The following EXOSC3 variants were observed in gnomAD, a reference collection of about 807,000 sequenced individuals.
EXOSC3 encodes the protein exosome component 3, also known as exosome complex component RRP40.
A neutral mutation model predicts 25.1 loss-of-function variants in EXOSC3; 18 were observed. That is an observed-to-expected ratio of 0.72 (90% CI 0.50 to 1.06). EXOSC3 has a LOEUF of 1.06. EXOSC3 is among the 50% of genes least tolerant of loss of function. EXOSC3 has a pLI of 0.00. For missense variants in EXOSC3, 382 were observed against 350.9 expected (o/e 1.09, Z -0.71); for synonymous variants, 165 against 132.2 (o/e 1.25, Z -1.70).
intron 2 of EXOSC3, 102 bp from the exon 3 acceptor site, chr9:37,782,239 T>C: frequency 1.6e-6 from 2 of 1,280,096 alleles, no homozygotes; most frequent in South Asian, 2.7e-5. Context: ...TACAGTTCTG[T>C]GGCTAAGGGA....
At chr9:37,782,185 G>A (rs1434715833) in intron 2 of EXOSC3, 48 bp from the exon 3 acceptor site, 20 of 1,600,748 alleles carry the variant, frequency 1.2e-5, no homozygotes, top group Non-Finnish European at 1.6e-5. Flanking sequence ...CAAACTACAG[G>A]TGCTACTATT....
chr9:37,780,963 C>G (rs2118976195), intron 3 of EXOSC3, 83 bp from the exon 4 acceptor site: 1 of 1,188,214 alleles, frequency 8.4e-7, no homozygotes, highest in East Asian at 2.5e-5. Flanking sequence ...GATTCCTTTT[C>G]TGAGCAGTTC....
intron 2 of EXOSC3, 109 bp from the exon 3 acceptor site, chr9:37,782,246 G>C: frequency 8.8e-7 from 1 of 1,139,266 alleles, no homozygotes; most frequent in South Asian, 1.5e-5. Context: ...CTGTGGCTAA[G>C]GGACTGACTG....
chr9:37,780,886 G>A lies in EXOSC3; in HGVS notation c.627-6C>T. 1 of 1,610,430 alleles carries A rather than the reference G, an allele frequency of 6.2e-7. No individual in the cohort carries two copies. Among genetic ancestry groups the A allele is most frequent in the Non-Finnish European group, 8.5e-7 (1 of 1,178,566 alleles). ...CACAATCTGGAGCTAATAGCCTGGTGGGAAGAGAAAAGAAAATGAAATTTA... is the reference window on the plus strand; with the variant it reads ...CACAATCTGGAGCTAATAGCCTGGTAGGAAGAGAAAAGAAAATGAAATTTA... On this transcript the variant is annotated splice_region_variant and splice_polypyrimidine_tract_variant and intron_variant, in intron 3 of 3. Transcript: ENST00000327304.
chr9:37,784,595 C>A, intron 1 of EXOSC3, 126 bp downstream of exon 1: 1 of 1,076,276 alleles, frequency 9.3e-7, no homozygotes, highest in Non-Finnish European at 1.3e-6. Context: ...GGGCACAAGA[C>A]TACGGTGGCT....
chr9:37,783,002 T>A (rs1828628193), intron 2 of EXOSC3, among the ~76,000 whole-genome samples: 1 of 152,052 alleles, frequency 6.6e-6, no homozygotes, highest in South Asian at 2.1e-4. Flanking sequence ...TTCCATAGGG[T>A]GCGAAGGGAT....
In EXOSC3 at chr9:37,783,196, C is replaced by T. The variant is rs556303288; in HGVS notation, c.474+718G>A. 5.3e-5 allele frequency among the ~76,000 whole-genome samples: 8 copies of T among 152,190 alleles called. No homozygotes were observed. The South Asian group carries it at 1.7e-3, about 32-fold the overall frequency. On this transcript the variant is annotated intron_variant, in intron 2 of 3. Transcript: ENST00000327304. ...GAATCTTGTCTTTTCGAGAAAGTGA[C>T]CGTGTGAGGATGTCAGCTCTCAAAA...
At chr9:37,781,821 A>G in intron 3 of EXOSC3, 165 bp downstream of exon 3, 1 of 724,658 alleles carries the variant, frequency 1.4e-6, no homozygotes, top group Non-Finnish European at 2.2e-6. Flanking sequence ...TTCCAAGAAG[A>G]TAGGATTAAA....
chr9:37,785,035 G>C lies in EXOSC3; in HGVS notation c.10C>G (p.Pro4Ala), dbSNP rs751582737. 1.3e-6 allele frequency: 2 copies of C among 1,597,480 alleles called. No homozygotes were observed. The highest frequency in any genetic ancestry group is 2.7e-5 in the African/African-American group (2 of 74,670). Residue 4 changes from proline to alanine, a missense_variant, in exon 1 of 4, where the codon CCT (proline) becomes GCT (alanine). Coordinates refer to ENST00000327304, the MANE Select transcript of EXOSC3 (RefSeq NM_016042.4). The stretch of plus-strand genomic sequence containing the variant: ...AGAGATTCAGCCGCGACAGACGCAG[G>C]TTCGGCCATCGCGGGCTCCACCAAA... MAEPASVAAESLAG... is the reference protein window; with the variant it reads MAEAASVAAESLAG...
chr9:37,780,531 G>A lies in EXOSC3; in HGVS notation c.*148C>T. The A allele has an allele frequency of 1.5e-6, 1 of 650,674 alleles. No individual in the cohort carries two copies. 40.3% of individuals were successfully genotyped at this position (650,674 alleles called of 1,614,324 possible). On this transcript the variant is annotated 3_prime_UTR_variant, in exon 4 of 4. Transcript: ENST00000327304. ...GATTTTCTCTCCCACAAAAGCGTGGGTGAAAACCAGTAACTTATAAAAATA... is the reference window on the plus strand; with the variant it reads ...GATTTTCTCTCCCACAAAAGCGTGGATGAAAACCAGTAACTTATAAAAATA...
rs1173851215 is a variant in EXOSC3 at position 37,782,066 on chromosome 9, G to A, written c.546C>T (p.Asp182=). ...KDMEPEMVCI[D]SCGRANGMGV... is the part of the protein sequence containing the mutation. ...CCATTCCATTGGCTCGTCCACAGCTGTCAATACAGACCATCTCTGGTTCCA... is the reference window on the plus strand; with the variant it reads ...CCATTCCATTGGCTCGTCCACAGCTATCAATACAGACCATCTCTGGTTCCA... The change falls in exon 3 of 4, where the codon GAC becomes GAT. Residue 182 remains aspartate, a synonymous_variant. Transcript: ENST00000327304. The A allele has an allele frequency of 1.2e-6, 2 of 1,613,998 alleles. No individual in the cohort carries two copies. Among genetic ancestry groups the A allele is most frequent in the African/African-American group, 2.7e-5 (2 of 74,918 alleles).
Position 37,785,035 on chromosome 9 carries a change from G to A in EXOSC3, c.10C>T (p.Pro4Ser), listed in dbSNP as rs751582737. The A allele has an allele frequency of 1.3e-5, 21 of 1,597,480 alleles. No individual in the cohort carries two copies. Among genetic ancestry groups the A allele is most frequent in the East Asian group, 9.0e-5 (4 of 44,450 alleles). The part of the protein sequence containing the change: MAE[P>S]ASVAAESLAG... ...AGAGATTCAGCCGCGACAGACGCAGGTTCGGCCATCGCGGGCTCCACCAAA... is the reference window on the plus strand; with the variant it reads ...AGAGATTCAGCCGCGACAGACGCAGATTCGGCCATCGCGGGCTCCACCAAA... The change falls in exon 1 of 4, where the codon CCT becomes TCT. Residue 4 changes from proline (P) to serine (S), a missense_variant. Coordinates refer to ENST00000327304, the MANE Select transcript of EXOSC3 (RefSeq NM_016042.4).
intron 2 of EXOSC3, among the ~76,000 whole-genome samples, chr9:37,782,759 C>T (rs1010807382): frequency 6.6e-6 from 1 of 152,184 alleles, no homozygotes; most frequent in Non-Finnish European, 1.5e-5. Context: ...CTCAACAAAA[C>T]GTATTAAGTA....
Position 37,784,749 on chromosome 9 carries a change from A to G in EXOSC3, c.296T>C (p.Val99Ala), listed in dbSNP as rs757789978. 6.2e-7 allele frequency: 1 copy of G among 1,600,880 alleles called. No individual in the cohort carries two copies. Among genetic ancestry groups the G allele is most frequent in the Non-Finnish European group, 8.5e-7 (1 of 1,177,486 alleles). The change falls in exon 1 of 4, where the codon GTT (valine) becomes GCT (alanine). Residue 99 changes from valine to alanine, a missense_variant. By Grantham distance (64) the Val-to-Ala change is moderately conservative (BLOSUM62 0). Coordinates refer to ENST00000327304, the MANE Select transcript of EXOSC3 (RefSeq NM_016042.4). ...CTTCTGCTGAGAGTCCACCCAGTAA[A>G]CACCGCCGCCGCTGCCACTGCCGGG... is the stretch of plus-strand genomic sequence containing the variant. ...KEPGSGSGGG[V>A]YWVDSQQKRY... is the part of the protein sequence containing the mutation.
chr9:37,781,739 A>T (rs1231466013), intron 3 of EXOSC3: 2 of 466,974 alleles, frequency 4.3e-6, no homozygotes, highest in Non-Finnish European at 7.6e-6. Flanking sequence ...ATGAATACAG[A>T]GTAAGAGCTT....
chr9:37,782,732 T>G (rs758878059), intron 2 of EXOSC3, among the ~76,000 whole-genome samples: 8 of 152,110 alleles, frequency 5.3e-5, no homozygotes, highest in Non-Finnish European at 1.0e-4. Context: ...AAATGGAGAG[T>G]GAACTCATTC....
At position 37,779,732 on chromosome 9, in the gene EXOSC3, T is replaced by C. The variant is rs1278250893; in HGVS notation, c.*947A>G. The stretch of plus-strand genomic sequence containing the variant: ...AAGCTCCTTGGTCTTTATCAACAAA[T>C]AGAGTTCTATAATCTCTTTGATCCA... On this transcript the variant is annotated 3_prime_UTR_variant, in exon 4 of 4. Coordinates refer to ENST00000327304, the MANE Select transcript of EXOSC3 (RefSeq NM_016042.4). 1.3e-5 allele frequency: 2 copies of C among 152,202 alleles called. No individual in the cohort carries two copies. Among genetic ancestry groups the C allele is most frequent in the South Asian group, 2.1e-4 (1 of 4,830 alleles). 9.4% of individuals were successfully genotyped at this position (152,202 alleles called of 1,614,324 possible). A position where few individuals can be genotyped will look rare whatever the true frequency, so the allele number is the denominator to read the frequency against.
chr9:37,783,160 T>C (rs1386959141), intron 2 of EXOSC3, among the ~76,000 whole-genome samples: 1 of 152,188 alleles, frequency 6.6e-6, no homozygotes, highest in African/African-American at 2.4e-5. Context: ...AGGAATTCTG[T>C]AGATTTTGGA....
intron 3 of EXOSC3, 37 bp downstream of exon 3, chr9:37,781,949 A>G: frequency 6.3e-7 from 1 of 1,583,978 alleles, no homozygotes; most frequent in Non-Finnish European, 8.6e-7. Flanking sequence ...ATGTATAATT[A>G]TAAAAAGCAG....
Sources: allele counts gnomAD v4.1 joint callset (sites outside exome capture counted in the v4.1 genomes callset), GRCh38; gene constraint gnomAD v4.1.1; transcripts MANE v1.5; gene names NCBI Gene and HGNC (gene_info 2026-07-23, HGNC 2026-07-21).